The following GSTCD variants were observed in gnomAD, a reference collection of about 807,000 sequenced individuals.
GSTCD encodes glutathione S-transferase C-terminal domain containing.
In GSTCD, 44 loss-of-function variants were observed where a neutral mutation model predicts 68.3. That is an observed-to-expected ratio of 0.64 (90% CI 0.51 to 0.83). The LOEUF is 0.83. Ranked by LOEUF, GSTCD falls within the 40% of genes least tolerant of loss-of-function variation. GSTCD has a pLI of 0.00. For missense variants in GSTCD, 739 were observed against 735.9 expected, an observed-to-expected ratio of 1.00 and a Z score of -0.05; for synonymous variants, 273 against 255.2, an observed-to-expected ratio of 1.07 and a Z score of -0.67.
chr4:105,781,989 G>A (rs928834749), intron 5 of GSTCD, among the ~76,000 whole-genome samples: 4 of 152,080 alleles, frequency 2.6e-5, no homozygotes, highest in African/African-American at 9.7e-5. Flanking sequence ...TTTTCTGTGA[G>A]ATGCTTTGAA....
intron 5 of GSTCD, chr4:105,753,356 C>G (rs1734069354): frequency 1.3e-5 from 2 of 151,842 alleles, no homozygotes; most frequent in Non-Finnish European, 2.9e-5. Flanking sequence ...AGCATGATTT[C>G]TAATAAAGAT....
intron 5 of GSTCD, among the ~76,000 whole-genome samples, chr4:105,800,105 A>G (rs992170342): frequency 6.6e-6 from 1 of 152,190 alleles, no homozygotes; most frequent in Non-Finnish European, 1.5e-5. Flanking sequence ...GCTGATAAAG[A>G]CATACCCGAG....
At chr4:105,791,266 G>T (rs1443885833) in intron 5 of GSTCD, among the ~76,000 whole-genome samples, 2 of 151,608 alleles carry the variant, frequency 1.3e-5, no homozygotes, top group African/African-American at 4.9e-5. Flanking sequence ...GGTGGTGGGC[G>T]CCTGTAGTCC....
chr4:105,785,651 C>T (rs561449284), intron 5 of GSTCD, among the ~76,000 whole-genome samples: 1 of 152,220 alleles, frequency 6.6e-6, no homozygotes, highest in South Asian at 2.1e-4. Context: ...AGTTAAAAGA[C>T]ATCTACCAAA....
At chr4:105,761,232 G>T (rs998984925) in intron 5 of GSTCD, 1 of 169,366 alleles carries the variant, frequency 5.9e-6, no homozygotes, top group African/African-American at 2.4e-5. Flanking sequence ...TCGAACTCCT[G>T]ACCTCAAGTG....
At chr4:105,721,004 G>A (rs190604254) in intron 3 of GSTCD, among the ~76,000 whole-genome samples, 7 of 147,810 alleles carry the variant, frequency 4.7e-5, no homozygotes, top group Non-Finnish European at 8.9e-5. Context: ...ATGGAGTCTC[G>A]CTCTGTCACC....
At chr4:105,724,715 C>T (rs1223459953) in intron 3 of GSTCD, among the ~76,000 whole-genome samples, 2 of 151,900 alleles carry the variant, frequency 1.3e-5, no homozygotes, top group Non-Finnish European at 2.9e-5. Flanking sequence ...TTCTATGAGA[C>T]CCCTCAAAAT....
At chr4:105,841,206 G>C (rs543662858) in intron 10 of GSTCD, among the ~76,000 whole-genome samples, 1 of 151,634 alleles carries the variant, frequency 6.6e-6, no homozygotes, top group East Asian at 2.0e-4. Context: ...CGCCTGTAGT[G>C]CCAGCTACTC....
chr4:105,815,344 TTAGA>T (rs1199317976), intron 5 of GSTCD: 3 of 152,092 alleles, frequency 2.0e-5, no homozygotes, highest in Admixed American at 2.0e-4. Flanking sequence ...TGTTTCTGTA[TTAGA>T]TAGATCAAAC....
chr4:105,743,842 A>G (rs948873533), intron 5 of GSTCD, among the ~76,000 whole-genome samples: 2 of 151,410 alleles, frequency 1.3e-5, no homozygotes, highest in Non-Finnish European at 2.9e-5. Flanking sequence ...TTGTATTTTT[A>G]GTAGAGATGG....
At chr4:105,774,209 A>T (rs1173270682) in intron 5 of GSTCD, among the ~76,000 whole-genome samples, 3 of 152,118 alleles carry the variant, frequency 2.0e-5, no homozygotes, top group Non-Finnish European at 4.4e-5. Flanking sequence ...TTGCTTGGTA[A>T]ATATTCCTCC....
chr4:105,751,239 T>G (rs1242933411), intron 5 of GSTCD, among the ~76,000 whole-genome samples: 1 of 152,140 alleles, frequency 6.6e-6, no homozygotes, highest in Non-Finnish European at 1.5e-5. Flanking sequence ...TTATTGCAAC[T>G]TCCTGTGAGT....
chr4:105,843,292 C>G lies in GSTCD; in HGVS notation c.1765+1158C>G, dbSNP rs536587917. ...TAAACATTTGGAAAGAACTCATTCT[C>G]TCTTGCCTGCAACCTCTTTGTCTTT... is the stretch of plus-strand genomic sequence containing the variant. On this transcript the variant is annotated intron_variant, in intron 11 of 11. Transcript: ENST00000515279. Among the ~76,000 whole-genome samples the G allele has an allele frequency of 2.6e-5, 4 of 152,336 alleles. 1 individual carries two copies. In the South Asian group the frequency reaches 8.3e-4, roughly 32 times the overall value.
At chr4:105,736,717 C>T (rs1312079746) in intron 5 of GSTCD, among the ~76,000 whole-genome samples, 1 of 152,084 alleles carries the variant, frequency 6.6e-6, no homozygotes, top group Admixed American at 6.5e-5. Context: ...AATTTTATAT[C>T]CATTAACCAA....
At chr4:105,776,792 C>T (rs1470585404) in intron 5 of GSTCD, among the ~76,000 whole-genome samples, 2 of 152,198 alleles carry the variant, frequency 1.3e-5, no homozygotes, top group Non-Finnish European at 2.9e-5. Context: ...GGCCAGCTTG[C>T]CAGCCTGATA....
intron 5 of GSTCD, among the ~76,000 whole-genome samples, chr4:105,748,466 A>C (rs936679535): frequency 6.6e-6 from 1 of 152,152 alleles, no homozygotes; most frequent in Non-Finnish European, 1.5e-5. Flanking sequence ...TTTCTCTTCT[A>C]TTAAGAGTGA....
intron 5 of GSTCD, among the ~76,000 whole-genome samples, chr4:105,744,286 AC>A (rs1024089475): frequency 8.5e-5 from 13 of 152,228 alleles, no homozygotes; most frequent in African/African-American, 3.1e-4. Context: ...GTCAGATTGC[AC>A]ACAGTGCTAT....
At chr4:105,733,857 CA>C (rs1248381699) in intron 5 of GSTCD, among the ~76,000 whole-genome samples, 4 of 152,160 alleles carry the variant, frequency 2.6e-5, no homozygotes, top group Admixed American at 1.3e-4. Flanking sequence ...GTGCTTCCTT[CA>C]GGAGCTCTTT....
In GSTCD at chr4:105,735,345, T is replaced by G. The variant is rs573826139; in HGVS notation, c.1240+5846T>G. Among the ~76,000 whole-genome samples the G allele has an allele frequency of 3.7e-3, 562 of 152,306 alleles. 5 individuals carry two copies. Among genetic ancestry groups the G allele is most frequent in the African/African-American group, 0.013 (548 of 41,556 alleles). On this transcript the variant is annotated intron_variant, in intron 5 of 11. Coordinates refer to ENST00000515279, the MANE Select transcript of GSTCD (RefSeq NM_001370181.1). Reference sequence around the variant, plus strand: ...CACCCAGTTCAAGCTTCCAGGCCGCTTTGTTTACCTACTCAAGCCTCAGCA... The same window carrying G: ...CACCCAGTTCAAGCTTCCAGGCCGCGTTGTTTACCTACTCAAGCCTCAGCA...
Sources: allele counts gnomAD v4.1 joint callset (sites outside exome capture counted in the v4.1 genomes callset), GRCh38; gene constraint gnomAD v4.1.1; transcripts MANE v1.5; gene names NCBI Gene and HGNC (gene_info 2026-07-23, HGNC 2026-07-21).